The following PPARGC1A variants were observed in gnomAD, a reference collection of about 807,000 sequenced individuals.
The protein encoded by PPARGC1A is PPARG coactivator 1 alpha.
PPARGC1A carries 25 observed loss-of-function variants against 88.7 expected under a neutral mutation model. That is an observed-to-expected ratio of 0.28 (90% CI 0.21 to 0.39). The LOEUF is 0.39. PPARGC1A is among the 10% of genes least tolerant of loss of function. The pLI, the probability that PPARGC1A is intolerant of heterozygous loss-of-function variation, is 1.00. For missense variants in PPARGC1A, 880 were observed against 968.7 expected, an observed-to-expected ratio of 0.91 and a Z score of 1.22; for synonymous variants, 363 against 355.6, an observed-to-expected ratio of 1.02 and a Z score of -0.24.
chr4:24,340,456 A>T, the PPARGC1A span, among the ~76,000 whole-genome samples: 3 of 152,204 alleles, frequency 2.0e-5, no homozygotes, highest in Non-Finnish European at 2.9e-5. Context: ...ACAGCATTAA[A>T]ATCTTAAGAA....
At chr4:24,082,515 T>C in the PPARGC1A span, among the ~76,000 whole-genome samples, 1 of 152,126 alleles carries the variant, frequency 6.6e-6, no homozygotes, top group African/African-American at 2.4e-5. Context: ...CATGGAATGA[T>C]TGAGTAGTGA....
At chr4:24,463,058 C>T in the PPARGC1A span, among the ~76,000 whole-genome samples, 3 of 152,008 alleles carry the variant, frequency 2.0e-5, no homozygotes, top group African/African-American at 7.3e-5. Flanking sequence ...GCAGCTCCCT[C>T]GACTTCACAC....
chr4:23,933,338 G>C, the PPARGC1A span, among the ~76,000 whole-genome samples: 1 of 152,204 alleles, frequency 6.6e-6, no homozygotes, highest in Non-Finnish European at 1.5e-5. Flanking sequence ...GAATAAATGA[G>C]ATAAAGTAAG....
chr4:23,907,282 G>A (rs1183442792), upstream of PPARGC1A, among the ~76,000 whole-genome samples: 1 of 152,164 alleles, frequency 6.6e-6, no homozygotes, highest in Non-Finnish European at 1.5e-5. Context: ...AGCAATGAAA[G>A]TTGCATGCAT....
intron 7 of PPARGC1A, among the ~76,000 whole-genome samples, chr4:23,823,648 TAAGTA>T (rs1723405590): frequency 6.6e-6 from 1 of 152,058 alleles, no homozygotes; most frequent in Admixed American, 6.6e-5. Flanking sequence ...TATATGCTTA[TAAGTA>T]AAGATTTGTG....
At chr4:23,982,395 G>A in the PPARGC1A span, among the ~76,000 whole-genome samples, 2,124 of 152,164 alleles carry the variant, frequency 0.014, 50 homozygotes, top group African/African-American at 0.049. Flanking sequence ...CCAGTGGAGC[G>A]AAAAATAAGA....
At chr4:24,023,509 C>G in the PPARGC1A span, among the ~76,000 whole-genome samples, 3 of 152,190 alleles carry the variant, frequency 2.0e-5, no homozygotes, top group Admixed American at 6.5e-5. Flanking sequence ...TGTCTGTGCA[C>G]TGCAGAGTTT....
the PPARGC1A span, among the ~76,000 whole-genome samples, chr4:24,325,699 A>G: frequency 6.6e-6 from 1 of 152,210 alleles, no homozygotes. Flanking sequence ...ATCGCCTCGG[A>G]AGCCCCGTAG....
the PPARGC1A span, among the ~76,000 whole-genome samples, chr4:24,254,824 C>T: frequency 1.3e-5 from 2 of 152,196 alleles, no homozygotes; most frequent in Non-Finnish European, 2.9e-5. Context: ...TGCTAGAGCA[C>T]AGCAGCAATT....
At chr4:24,102,969 T>A in the PPARGC1A span, among the ~76,000 whole-genome samples, 1 of 152,180 alleles carries the variant, frequency 6.6e-6, no homozygotes, top group East Asian at 1.9e-4. Flanking sequence ...TAAACCATAG[T>A]AAACATATCA....
chr4:24,307,340 T>C, the PPARGC1A span, among the ~76,000 whole-genome samples: 2 of 151,828 alleles, frequency 1.3e-5, no homozygotes, highest in African/African-American at 2.4e-5. Context: ...TCACATCCTT[T>C]GGATGTAAAA....
At chr4:24,077,624 GGTGTGTGTGTGTGTGTGT>G in the PPARGC1A span, among the ~76,000 whole-genome samples, 472 of 130,956 alleles carry the variant, frequency 3.6e-3, 2 homozygotes, top group East Asian at 0.011. Flanking sequence ...TGTGTCTAGG[GGTGTGTGTGTGTGTGTGT>G]GTGTGTGTGT....
intron 2 of PPARGC1A, among the ~76,000 whole-genome samples, chr4:23,849,713 G>A (rs1250924911): frequency 1.3e-5 from 2 of 152,046 alleles, no homozygotes; most frequent in African/African-American, 4.8e-5. Flanking sequence ...AAGAAAAGGG[G>A]CCATAATACA....
chr4:24,390,764 C>A, the PPARGC1A span, among the ~76,000 whole-genome samples: 1 of 151,918 alleles, frequency 6.6e-6, no homozygotes, highest in Admixed American at 6.6e-5. Flanking sequence ...CTATGTTGCT[C>A]TCTCACCTTT....
chr4:24,374,686 C>T, the PPARGC1A span, among the ~76,000 whole-genome samples: 1 of 151,952 alleles, frequency 6.6e-6, no homozygotes, highest in Non-Finnish European at 1.5e-5. Flanking sequence ...ATCAAAAACA[C>T]GAGATGCCAC....
intron 2 of PPARGC1A, among the ~76,000 whole-genome samples, chr4:23,844,418 TA>T (rs1727643969): frequency 2.6e-5 from 3 of 113,596 alleles, no homozygotes; most frequent in Non-Finnish European, 3.5e-5. Flanking sequence ...TAATAATATA[TA>T]ATATATTATA....
chr4:24,359,897 G>T, the PPARGC1A span, among the ~76,000 whole-genome samples: 2 of 152,218 alleles, frequency 1.3e-5, no homozygotes, highest in Admixed American at 1.3e-4. Flanking sequence ...CATTTCTGTG[G>T]TTTTAAGCCA....
the PPARGC1A span, among the ~76,000 whole-genome samples, chr4:24,363,758 T>C: frequency 6.6e-6 from 1 of 152,212 alleles, no homozygotes; most frequent in Non-Finnish European, 1.5e-5. Flanking sequence ...TTAGTTGACA[T>C]CAGGAACACA....
chr4:24,012,649 C>T, the PPARGC1A span, among the ~76,000 whole-genome samples: 2 of 152,126 alleles, frequency 1.3e-5, no homozygotes, highest in African/African-American at 4.8e-5. Context: ...TGTCCCCACA[C>T]CTGGTAGAAT....
Sources: gnomAD v4.1 joint callset for allele counts (sites outside exome capture counted in the v4.1 genomes callset) on GRCh38, gnomAD v4.1.1 for gene constraint, MANE v1.5 for transcripts, NCBI Gene and HGNC (gene_info 2026-07-23, HGNC 2026-07-21) for gene names.